NSD3: variants seen among roughly 807,000 people sequenced by gnomAD.
NSD3 encodes histone-lysine N-methyltransferase NSD3.
NSD3 carries 24 observed loss-of-function variants against 160.8 expected under a neutral mutation model. The ratio of observed to expected loss-of-function variants is 0.15; its 90% CI spans 0.11 to 0.21. The LOEUF (loss-of-function observed/expected upper bound fraction) is 0.21, where lower values mean the gene tolerates loss of function less well. Ranked by LOEUF, NSD3 falls within the 10% of genes least tolerant of loss-of-function variation. NSD3 has a pLI of 1.00. For synonymous variants in NSD3, 520 were observed against 600.0 expected (o/e 0.87, Z 1.95); for missense variants, 1,157 against 1,735.9 (o/e 0.67, Z 5.93).
At chr8:38,277,144 G>C (rs1057500223) in intron 22 of NSD3, among the ~76,000 whole-genome samples, 1 of 151,966 alleles carries the variant, frequency 6.6e-6, no homozygotes, top group East Asian at 1.9e-4. Context: ...GTTTCACTGT[G>C]TTGCCCAGGC....
chr8:38,295,716 C>T (rs1563345876), intron 16 of NSD3, 80 bp downstream of exon 16: 1 of 1,379,288 alleles, frequency 7.3e-7, no homozygotes, highest in African/African-American at 1.5e-5. Context: ...CTATCTATCT[C>T]CAAGTCACTC....
chr8:38,354,535 G>A (rs1444559341), intron 1 of NSD3, among the ~76,000 whole-genome samples: 1 of 152,172 alleles, frequency 6.6e-6, no homozygotes, highest in Admixed American at 6.5e-5. Context: ...TCATTCTTAG[G>A]AGAGCTATGC....
chr8:38,291,635 A>C (rs1458996066), intron 16 of NSD3, among the ~76,000 whole-genome samples: 4 of 152,244 alleles, frequency 2.6e-5, no homozygotes, highest in Non-Finnish European at 5.9e-5. Context: ...CGCAAATTGT[A>C]AACAAAACAA....
rs977915739 is a variant in NSD3 at position 38,318,617 on chromosome 8, T to C, written c.1855+278A>G. On this transcript the variant is annotated intron_variant, in intron 9 of 23. Coordinates refer to ENST00000317025, the MANE Select transcript of NSD3 (RefSeq NM_023034.2). The surrounding 1 kb of genome is among the most constrained non-coding windows in gnomAD (Gnocchi z 5.3). ...GTCACATCCCTAGTTTATAAGCCAGTGAAACCCCAGAATCTTATGGAGAAA... is the reference window on the plus strand; with the variant it reads ...GTCACATCCCTAGTTTATAAGCCAGCGAAACCCCAGAATCTTATGGAGAAA... 3.3e-5 allele frequency among the ~76,000 whole-genome samples: 5 copies of C among 152,138 alleles called. No individual in the cohort carries two copies. The highest frequency in any genetic ancestry group is 1.2e-4 in the African/African-American group (5 of 41,418).
chr8:38,346,396 TTGTATATA>T (rs1218591035), intron 2 of NSD3, among the ~76,000 whole-genome samples: 3 of 147,752 alleles, frequency 2.0e-5, no homozygotes, highest in African/African-American at 4.9e-5. Context: ...TAAATATATA[TTGTATATA>T]TGTATATATG....
At chr8:38,311,693 T>C (rs1229994887) in intron 12 of NSD3, among the ~76,000 whole-genome samples, 2 of 152,220 alleles carry the variant, frequency 1.3e-5, no homozygotes, top group East Asian at 3.8e-4. Context: ...TAATGCTTTA[T>C]GAGATATGTA....
At chr8:38,307,245 T>C (rs1809430257) in intron 12 of NSD3, among the ~76,000 whole-genome samples, 1 of 152,128 alleles carries the variant, frequency 6.6e-6, no homozygotes, top group African/African-American at 2.4e-5. Flanking sequence ...AGTACAGTTG[T>C]GTGATCTTGG....
In NSD3 at chr8:38,327,068, GAGA is replaced by G. The variant is rs371946261; in HGVS notation, c.1582-215_1582-213del. Among the ~76,000 whole-genome samples the G allele has an allele frequency of 7.5e-4, 103 of 136,868 alleles. 1 individual carries two copies. Among genetic ancestry groups the G allele is most frequent in the East Asian group, 3.1e-3 (15 of 4,812 alleles). The allele number at this position is 136,868 out of a possible 152,430, so 89.8% of individuals were successfully genotyped here. A position where few individuals can be genotyped will look rare whatever the true frequency, so the allele number is the denominator to read the frequency against. Reference sequence around the variant, plus strand: ...ATTAAAAACAATTTTTTTTTTTTTTGAGAAGAAGTCTCCCTCTGTCGCCCAGGC... The same window carrying G: ...ATTAAAAACAATTTTTTTTTTTTTTGAGAAGTCTCCCTCTGTCGCCCAGGC... On this transcript the variant is annotated intron_variant, in intron 6 of 23. Coordinates refer to ENST00000317025, the MANE Select transcript of NSD3 (RefSeq NM_023034.2).
intron 1 of NSD3, among the ~76,000 whole-genome samples, chr8:38,369,597 C>G (rs945849592): frequency 1.3e-5 from 2 of 152,160 alleles, no homozygotes; most frequent in Admixed American, 1.3e-4. Context: ...TCATTATCAA[C>G]TATGTGTCTG....
intron 1 of NSD3, chr8:38,380,651 A>G (rs1268307233): frequency 2.6e-5 from 4 of 152,202 alleles, no homozygotes; most frequent in Non-Finnish European, 4.4e-5. Flanking sequence ...AGAGGGAGAA[A>G]AGCATCAAAA....
rs1187023294 is a variant in NSD3 at position 38,318,825 on chromosome 8, A to T, written c.1855+70T>A. ...TTACAGAGACAGACAAAAATACATG[A>T]AGTACAAATAATTCTTAAAAATTGG... is the stretch of plus-strand genomic sequence containing the variant. On this transcript the variant is annotated intron_variant, in intron 9 of 23. Transcript: ENST00000317025. This position sits in a 1 kb window ranked among gnomAD's most constrained non-coding sequence, Gnocchi z 5.3. 2.8e-6 allele frequency: 4 copies of T among 1,413,954 alleles called. No homozygotes were observed. The highest frequency in any genetic ancestry group is 4.0e-6 in the Non-Finnish European group (4 of 1,009,844). 87.6% of individuals were successfully genotyped at this position (1,413,954 alleles called of 1,614,324 possible).
intron 19 of NSD3, among the ~76,000 whole-genome samples, chr8:38,287,876 T>C (rs1030091349): frequency 2.0e-5 from 3 of 152,180 alleles, no homozygotes; most frequent in Middle Eastern, 3.4e-3. Flanking sequence ...ATGGTCTCAA[T>C]CTCCTGACCT....
chr8:38,275,578 C>T lies in NSD3; in HGVS notation c.*63G>A. ...GCTGTATGCACTGTAGCAGTCTCTT[C>T]TTTTTAAATGCATGATCTATTTGCT... On this transcript the variant is annotated 3_prime_UTR_variant, in exon 24 of 24. Transcript: ENST00000317025. 1 of 1,493,364 alleles carries T rather than the reference C, an allele frequency of 6.7e-7. No homozygotes were observed. The highest frequency in any genetic ancestry group is 1.3e-5 in the South Asian group (1 of 78,910). The allele number at this position is 1,493,364 out of a possible 1,614,324, so 92.5% of individuals were successfully genotyped here.
In NSD3 at chr8:38,287,516, T is replaced by C. The variant is rs905189364; in HGVS notation, c.3501+971A>G. ...TACCTATCAAACTATGAACAATGGT[T>C]ATCTCTGATGAGGAGATGAAGAATT... On this transcript the variant is annotated intron_variant, in intron 19 of 23. Transcript: ENST00000317025. Among the ~76,000 whole-genome samples, 3 of 152,218 alleles carry C rather than the reference T, an allele frequency of 2.0e-5. No homozygotes were observed. The East Asian group carries it at 5.8e-4, about 29-fold the overall frequency.
intron 16 of NSD3, among the ~76,000 whole-genome samples, chr8:38,295,075 C>T (rs867790010): frequency 2.8e-5 from 4 of 144,322 alleles, no homozygotes; most frequent in Admixed American, 2.2e-4. Flanking sequence ...ACCCGGGAGC[C>T]GGAGCTTGCA....
rs376042241 is a variant in NSD3, at chr8:38,338,541, C to A, written c.742G>T (p.Ala248Ser). The part of the protein sequence containing the change: ...PREEPVLKEE[A>S]PVQPILSSVP... ...TATTCAGTAAAACAACTTACTGGGG[C>A]TTCCTCTTTTAGTACTGGTTCTTCC... is the stretch of plus-strand genomic sequence containing the variant. The change falls in exon 3 of 24, where the codon GCC becomes TCC. Residue 248 changes from alanine (A) to serine (S), a missense_variant. This residue lies in a region of NSD3 where 99 missense variants were observed against 151.8 expected (regional missense o/e 0.65). Coordinates refer to ENST00000317025, the MANE Select transcript of NSD3 (RefSeq NM_023034.2). 6.8e-6 allele frequency: 11 copies of A among 1,613,412 alleles called. No homozygotes were observed. Among genetic ancestry groups the A allele is most frequent in the Non-Finnish European group, 9.3e-6 (11 of 1,179,570 alleles).
intron 1 of NSD3, among the ~76,000 whole-genome samples, chr8:38,367,269 A>G (rs1811126272): frequency 6.6e-6 from 1 of 152,192 alleles, no homozygotes; most frequent in Non-Finnish European, 1.5e-5. Context: ...TTCATTTAAC[A>G]TCATAAGAAA....
intron 13 of NSD3, 116 bp from the exon 14 acceptor site, chr8:38,304,873 A>G: frequency 8.8e-7 from 1 of 1,133,502 alleles, no homozygotes; most frequent in South Asian, 1.7e-5. Context: ...GTAGATGGAA[A>G]GCATTTTTTT....
At chr8:38,330,803 T>C (rs183914632) in intron 5 of NSD3, among the ~76,000 whole-genome samples, 37 of 152,342 alleles carry the variant, frequency 2.4e-4, no homozygotes, top group African/African-American at 7.9e-4. Flanking sequence ...CAAGAGTTCA[T>C]GTCAAAATTC....
Sources: gnomAD v4.1 joint callset for allele counts (sites outside exome capture counted in the v4.1 genomes callset) on GRCh38, gnomAD v4.1.1 for gene constraint, gnomAD v4.1.1 regional missense constraint, Gnocchi (gnomAD v3.1) non-coding constraint, MANE v1.5 for transcripts, NCBI Gene and HGNC (gene_info 2026-07-23, HGNC 2026-07-21) for gene names.